The following ENPP3 variants were observed in gnomAD, a reference collection of about 807,000 sequenced individuals.
ENPP3 encodes the protein ectonucleotide pyrophosphatase/phosphodiesterase family member 3.
ENPP3 carries 104 observed loss-of-function variants against 117.8 expected under a neutral mutation model. The ratio of observed to expected loss-of-function variants is 0.88; its 90% CI spans 0.75 to 1.04. ENPP3 has a LOEUF of 1.04. Among genes scored for constraint, ENPP3 ranks in the 50% least tolerant of loss-of-function variants. The pLI, the probability that ENPP3 is intolerant of heterozygous loss-of-function variation, is 0.00. For missense variants in ENPP3, 1,026 were observed against 1,051.9 expected (o/e 0.98, Z 0.34); for synonymous variants, 380 against 349.9 (o/e 1.09, Z -0.96).
intron 19 of ENPP3, 90 bp downstream of exon 19, chr6:131,724,181 C>G: frequency 1.4e-6 from 1 of 716,978 alleles, no homozygotes; most frequent in Non-Finnish European, 2.2e-6. Flanking sequence ...AATAAGCTGA[C>G]AGAGGTTCCT....
rs1459151334 is a variant in ENPP3 at position 131,675,133 on chromosome 6, C to T, written c.816C>T (p.Pro272=). The T allele has an allele frequency of 3.1e-5, 50 of 1,613,618 alleles. No individual in the cohort carries two copies. Among genetic ancestry groups the T allele is most frequent in the African/African-American group, 8.0e-5 (6 of 74,894 alleles). ...QGLKAATYFW[P]GSEVAINGSF... ...TAAAAGCCGCTACCTACTTTTGGCC[C>T]GGATCAGAAGTGGCTATAAATGGCT... The change falls in exon 9 of 25, where the codon CCC becomes CCT. Residue 272 remains proline (P), a synonymous_variant. Coordinates refer to ENST00000357639, the MANE Select transcript of ENPP3 (RefSeq NM_005021.5).
chr6:131,723,774 G>A (rs1432095474), intron 18 of ENPP3, among the ~76,000 whole-genome samples: 1 of 150,474 alleles, frequency 6.6e-6, no homozygotes, highest in African/African-American at 2.5e-5. Flanking sequence ...AGAATGCTTT[G>A]CCCCATTATC....
intron 21 of ENPP3, among the ~76,000 whole-genome samples, chr6:131,735,689 A>G (rs551742575): frequency 6.6e-6 from 1 of 152,266 alleles, no homozygotes; most frequent in South Asian, 2.1e-4. Context: ...TGTGCACTAT[A>G]TGTGTTTCTG....
At chr6:131,691,445 C>T (rs552950603) in intron 14 of ENPP3, among the ~76,000 whole-genome samples, 29 of 151,668 alleles carry the variant, frequency 1.9e-4, no homozygotes, top group Non-Finnish European at 4.1e-4. Context: ...AAAAATTAGC[C>T]GGGCATGGTG....
At chr6:131,689,526 G>A (rs143451392) in intron 14 of ENPP3, among the ~76,000 whole-genome samples, 175 of 152,076 alleles carry the variant, frequency 1.2e-3, no homozygotes, top group African/African-American at 4.1e-3. Flanking sequence ...GAGACTTTCT[G>A]CTCAGAAAAA....
chr6:131,651,347 C>T (rs1211082262), intron 3 of ENPP3, among the ~76,000 whole-genome samples: 1 of 152,172 alleles, frequency 6.6e-6, no homozygotes, highest in Non-Finnish European at 1.5e-5. Context: ...ATTATCATTT[C>T]CTCCTTAACA....
intron 22 of ENPP3, 146 bp downstream of exon 22, chr6:131,737,578 A>C (rs1013739720): frequency 3.8e-6 from 2 of 531,328 alleles, no homozygotes; most frequent in African/African-American, 3.9e-5. Context: ...TATAGGAAGG[A>C]TCCCTCACAT....
chr6:131,685,657 A>G (rs1464724985), intron 13 of ENPP3, among the ~76,000 whole-genome samples, 162 bp downstream of exon 13: 4 of 152,216 alleles, frequency 2.6e-5, no homozygotes, highest in African/African-American at 9.6e-5. Context: ...AGTACAGTCT[A>G]TAAAGTCTAT....
intron 6 of ENPP3, among the ~76,000 whole-genome samples, chr6:131,665,938 C>T (rs937959588): frequency 6.6e-6 from 1 of 151,896 alleles, no homozygotes; most frequent in Non-Finnish European, 1.5e-5. Context: ...TTTCTAATTT[C>T]TCCTTTGATT....
At chr6:131,731,047 T>C (rs1473372715) in intron 20 of ENPP3, among the ~76,000 whole-genome samples, 2 of 152,212 alleles carry the variant, frequency 1.3e-5, no homozygotes, top group Non-Finnish European at 2.9e-5. Flanking sequence ...CTAGATCTTA[T>C]TGAGTGTTTT....
In ENPP3 at chr6:131,637,411, G is replaced by A. The variant is rs752225330; in HGVS notation, c.27G>A (p.Thr9=). 1.3e-6 allele frequency: 2 copies of A among 1,596,198 alleles called. No homozygotes were observed. Among genetic ancestry groups the A allele is most frequent in the Admixed American group, 1.7e-5 (1 of 57,156 alleles). The stretch of plus-strand genomic sequence containing the variant: ...TGGAATCTACGTTGACTTTAGCAAC[G>A]GAACAACCTGTTAAGAAGAACACTC... MESTLTLA[T]EQPVKKNTLK... Residue 9 remains threonine (T), a synonymous_variant, in exon 1 of 25, where the codon ACG becomes ACA. Coordinates refer to ENST00000357639, the MANE Select transcript of ENPP3 (RefSeq NM_005021.5).
chr6:131,654,109 TTTATTATTA>T (rs35379106), intron 5 of ENPP3, among the ~76,000 whole-genome samples: 132 of 143,274 alleles, frequency 9.2e-4, no homozygotes, highest in South Asian at 7.9e-3. Context: ...AAATTTAAGT[TTTATTATTA>T]TTATTATTAT....
At chr6:131,693,359 TTAATATTCCTATTG>T in intron 14 of ENPP3, 124 bp from the exon 15 acceptor site, 1 of 680,614 alleles carries the variant, frequency 1.5e-6, no homozygotes. Flanking sequence ...GATAATAGGT[TTAATATTCCTATTG>T]TATTAGCCAA....
intron 20 of ENPP3, among the ~76,000 whole-genome samples, chr6:131,729,673 A>G (rs1290918604): frequency 6.6e-6 from 1 of 152,044 alleles, no homozygotes; most frequent in Non-Finnish European, 1.5e-5. Flanking sequence ...GTGGTTCACT[A>G]AAGCCTTTTT....
chr6:131,649,981 T>C (rs747876129), intron 2 of ENPP3, 46 bp from the exon 3 acceptor site: 10 of 1,611,420 alleles, frequency 6.2e-6, no homozygotes, highest in Non-Finnish European at 7.6e-6. Flanking sequence ...GTATGAGATA[T>C]TGAATAGCTC....
chr6:131,683,784 T>C (rs1779084888), intron 12 of ENPP3, among the ~76,000 whole-genome samples: 1 of 144,914 alleles, frequency 6.9e-6, no homozygotes, highest in Non-Finnish European at 1.5e-5. Context: ...AGAGTCTCGC[T>C]CTGTCACCCA....
intron 11 of ENPP3, among the ~76,000 whole-genome samples, chr6:131,682,220 G>A (rs771270969): frequency 1.4e-4 from 21 of 152,012 alleles, no homozygotes; most frequent in Non-Finnish European, 2.1e-4. Context: ...GTGGCCAAGC[G>A]TGTCAGCTCA....
intron 15 of ENPP3, among the ~76,000 whole-genome samples, chr6:131,696,908 T>A (rs1289531446): frequency 1.3e-5 from 2 of 151,950 alleles, no homozygotes; most frequent in Non-Finnish European, 2.9e-5. Flanking sequence ...TAGCTGGGAC[T>A]ACAGGCACCC....
intron 24 of ENPP3, among the ~76,000 whole-genome samples, chr6:131,743,286 A>G (rs1780566960): frequency 7.0e-6 from 1 of 143,284 alleles, no homozygotes; most frequent in Admixed American, 6.8e-5. Flanking sequence ...ATATATGAGA[A>G]ATAGTATAAA....
Sources: gnomAD v4.1 joint callset for allele counts (sites outside exome capture counted in the v4.1 genomes callset) on GRCh38, gnomAD v4.1.1 for gene constraint, MANE v1.5 for transcripts, NCBI Gene and HGNC (gene_info 2026-07-23, HGNC 2026-07-21) for gene names.